NEGR1: variants seen among roughly 807,000 people sequenced by gnomAD.
NEGR1 encodes the protein IgLON family member 4.
NEGR1 carries 10 observed loss-of-function variants against 40.9 expected under a neutral mutation model. The ratio of observed to expected loss-of-function variants is 0.24; its 90% confidence interval spans 0.15 to 0.42. NEGR1 has a LOEUF of 0.42. Among genes scored for constraint, NEGR1 ranks in the 10% least tolerant of loss-of-function variants. The pLI, the probability that NEGR1 is intolerant of heterozygous loss-of-function variation, is 1.00. For synonymous variants in NEGR1, 185 were observed against 166.8 expected, an observed-to-expected ratio of 1.11 and a Z score of -0.84; for missense variants, 352 against 438.9, an observed-to-expected ratio of 0.80 and a Z score of 1.77.
intron 4 of NEGR1, among the ~76,000 whole-genome samples, chr1:71,684,287 G>A (rs976615861): frequency 2.0e-5 from 3 of 151,702 alleles, no homozygotes; most frequent in Non-Finnish European, 4.4e-5. Flanking sequence ...AAATTATAAC[G>A]CATATTAATT....
intron 1 of NEGR1, among the ~76,000 whole-genome samples, chr1:72,075,528 A>G (rs1557514152): frequency 6.6e-6 from 1 of 152,210 alleles, no homozygotes; most frequent in Admixed American, 6.5e-5. Flanking sequence ...CAATTTAAAA[A>G]ATATTTCAGC....
At chr1:71,894,231 T>TAAA (rs917318818) in intron 2 of NEGR1, among the ~76,000 whole-genome samples, 1 of 125,868 alleles carries the variant, frequency 7.9e-6, no homozygotes, top group Non-Finnish European at 1.7e-5. Context: ...ATAATAATAA[T>TAAA]AAAAAAAGAA....
intron 4 of NEGR1, among the ~76,000 whole-genome samples, chr1:71,692,584 A>T (rs940996295): frequency 1.3e-4 from 19 of 151,482 alleles, no homozygotes; most frequent in African/African-American, 4.4e-4. Context: ...GGCTTTGGAG[A>T]AAACTTTAGG....
chr1:72,027,024 C>A (rs1646816712), intron 1 of NEGR1, among the ~76,000 whole-genome samples: 1 of 152,120 alleles, frequency 6.6e-6, no homozygotes, highest in African/African-American at 2.4e-5. Context: ...CTGCCAGATT[C>A]ATGCCATTCT....
chr1:71,428,735 G>C (rs1646445799), intron 6 of NEGR1, among the ~76,000 whole-genome samples: 1 of 150,726 alleles, frequency 6.6e-6, no homozygotes, highest in African/African-American at 2.4e-5. Flanking sequence ...TTTCTCCATT[G>C]TATAAATGGG....
intron 2 of NEGR1, among the ~76,000 whole-genome samples, chr1:71,796,826 C>T (rs1283109544): frequency 6.6e-6 from 1 of 152,072 alleles, no homozygotes; most frequent in African/African-American, 2.4e-5. Flanking sequence ...TAAGGGGACA[C>T]AAATTCACTT....
At chr1:71,553,094 C>CT (rs1490860587) in intron 6 of NEGR1, among the ~76,000 whole-genome samples, 1 of 150,966 alleles carries the variant, frequency 6.6e-6, no homozygotes, top group Non-Finnish European at 1.5e-5. Context: ...TTCTTTTATC[C>CT]TTCTATTATT....
intron 1 of NEGR1, among the ~76,000 whole-genome samples, chr1:72,038,754 T>G (rs1646926678): frequency 6.6e-6 from 1 of 151,950 alleles, no homozygotes; most frequent in South Asian, 2.1e-4. Flanking sequence ...ATATGGATGC[T>G]CCATGAATCA....
intron 1 of NEGR1, among the ~76,000 whole-genome samples, chr1:72,053,944 T>A (rs892806534): frequency 6.6e-6 from 1 of 150,548 alleles, no homozygotes; most frequent in African/African-American, 2.4e-5. Flanking sequence ...ATACTCCAAA[T>A]ATTCAGAATG....
At chr1:72,071,061 T>G (rs1569913106) in intron 1 of NEGR1, among the ~76,000 whole-genome samples, 1 of 151,900 alleles carries the variant, frequency 6.6e-6, no homozygotes, top group African/African-American at 2.4e-5. Flanking sequence ...GAACAGCACC[T>G]AAAAATTAAA....
chr1:71,417,012 TA>T (rs1646360441), intron 6 of NEGR1, among the ~76,000 whole-genome samples: 1 of 152,208 alleles, frequency 6.6e-6, no homozygotes, highest in African/African-American at 2.4e-5. Context: ...GTGCTTAAAT[TA>T]GATGCAAAAA....
chr1:71,814,229 G>A (rs1412374313), intron 2 of NEGR1, among the ~76,000 whole-genome samples: 1 of 151,800 alleles, frequency 6.6e-6, no homozygotes, highest in African/African-American at 2.4e-5. Context: ...ATTTGTGTGT[G>A]TTGAAACAGC....
chr1:72,017,770 C>T (rs572946745), intron 1 of NEGR1, among the ~76,000 whole-genome samples: 4 of 151,228 alleles, frequency 2.6e-5, no homozygotes, highest in African/African-American at 9.7e-5. Flanking sequence ...TTTTATACAT[C>T]AGCACAAAAA....
At chr1:71,762,793 T>C (rs1294345333) in intron 3 of NEGR1, among the ~76,000 whole-genome samples, 1 of 151,974 alleles carries the variant, frequency 6.6e-6, no homozygotes, top group Non-Finnish European at 1.5e-5. Context: ...AATTGGAAAA[T>C]AGAATGTTAA....
At chr1:71,929,524 T>C (rs1645834652) in intron 2 of NEGR1, among the ~76,000 whole-genome samples, 1 of 152,104 alleles carries the variant, frequency 6.6e-6, no homozygotes, top group Admixed American at 6.5e-5. Flanking sequence ...TAGGATCCAA[T>C]ATGAGAGTCT....
chr1:72,073,141 C>T (rs978418296), intron 1 of NEGR1, among the ~76,000 whole-genome samples: 7 of 152,090 alleles, frequency 4.6e-5, no homozygotes, highest in African/African-American at 1.7e-4. Flanking sequence ...AAGCTAACTT[C>T]ATGGGGAGCC....
intron 1 of NEGR1, among the ~76,000 whole-genome samples, chr1:71,973,636 T>G (rs1012943259): frequency 1.3e-5 from 2 of 152,216 alleles, no homozygotes; most frequent in African/African-American, 4.8e-5. Context: ...TTAATAAAAT[T>G]ATATCATCTC....
intron 2 of NEGR1, among the ~76,000 whole-genome samples, chr1:71,800,195 TTTG>T (rs1657503399): frequency 6.6e-6 from 1 of 152,174 alleles, no homozygotes; most frequent in Non-Finnish European, 1.5e-5. Context: ...GATGGGATTG[TTTG>T]TTTTTTTCTT....
intron 3 of NEGR1, among the ~76,000 whole-genome samples, chr1:71,765,919 T>C (rs892271361): frequency 3.3e-5 from 5 of 151,048 alleles, no homozygotes; most frequent in African/African-American, 1.2e-4. Context: ...CTCACGCCTG[T>C]AATCCCAGCA....
Sources: allele counts gnomAD v4.1 joint callset (sites outside exome capture counted in the v4.1 genomes callset), GRCh38; gene constraint gnomAD v4.1.1; transcripts MANE v1.5; gene names NCBI Gene and HGNC (gene_info 2026-07-23, HGNC 2026-07-21).